CTNNA2: variants seen among roughly 807,000 people sequenced by gnomAD.
CTNNA2 encodes the protein catenin alpha 2.
CTNNA2 carries 42 observed loss-of-function variants against 101.0 expected under a neutral mutation model. The ratio of observed to expected loss-of-function variants is 0.42; its 90% CI spans 0.32 to 0.54. The LOEUF is 0.54. CTNNA2 is among the 20% of genes least tolerant of loss of function. The pLI, the probability that CTNNA2 is intolerant of heterozygous loss-of-function variation, is 0.14. For synonymous variants in CTNNA2, 450 were observed against 456.4 expected (o/e 0.99, Z 0.18); for missense variants, 871 against 1,223.1 (o/e 0.71, Z 4.29).
chr2:80,105,914 T>C (rs1388738992), intron 7 of CTNNA2, among the ~76,000 whole-genome samples: 1 of 152,138 alleles, frequency 6.6e-6, no homozygotes, highest in African/African-American at 2.4e-5. Flanking sequence ...TCTGGGACAT[T>C]AGAGTCACAC....
intron 7 of CTNNA2, among the ~76,000 whole-genome samples, chr2:80,196,273 G>C (rs1706827570): frequency 6.6e-6 from 1 of 152,118 alleles, no homozygotes; most frequent in Non-Finnish European, 1.5e-5. Flanking sequence ...TGTTAGTTCA[G>C]CTCTTCCTAG....
At chr2:80,112,675 T>C (rs1701293523) in intron 7 of CTNNA2, among the ~76,000 whole-genome samples, 1 of 152,204 alleles carries the variant, frequency 6.6e-6, no homozygotes, top group African/African-American at 2.4e-5. Context: ...AGTTGTTATA[T>C]TTGTTTAAGT....
At chr2:80,012,577 T>A (rs1693866205) in intron 7 of CTNNA2, among the ~76,000 whole-genome samples, 1 of 152,188 alleles carries the variant, frequency 6.6e-6, no homozygotes, top group African/African-American at 2.4e-5. Context: ...TACTCAACTC[T>A]CCTGTCATGG....
upstream of CTNNA2, among the ~76,000 whole-genome samples, chr2:79,512,189 C>T (rs1671563552): frequency 1.3e-5 from 2 of 152,106 alleles, no homozygotes; most frequent in Admixed American, 6.5e-5. Context: ...TGTAAGTTCC[C>T]CAACTACAGT....
chr2:79,534,036 G>A (rs193294124), intron 1 of CTNNA2, among the ~76,000 whole-genome samples: 11 of 152,100 alleles, frequency 7.2e-5, no homozygotes, highest in Admixed American at 7.2e-4. Context: ...TATAACTAAG[G>A]ACATTTTTCT....
intron 3 of CTNNA2, chr2:79,340,227 C>T (rs1677096400): frequency 2.0e-5 from 3 of 152,028 alleles, no homozygotes; most frequent in African/African-American, 7.2e-5. Flanking sequence ...GTGTGTGTAT[C>T]TCTGTGTGCA....
chr2:79,752,557 A>G (rs565597150), intron 3 of CTNNA2, among the ~76,000 whole-genome samples: 2 of 152,344 alleles, frequency 1.3e-5, no homozygotes, highest in Middle Eastern at 3.4e-3. Context: ...AGGAATGCTA[A>G]CTAGACTCTC....
chr2:80,210,812 A>G (rs1190295946), intron 7 of CTNNA2, among the ~76,000 whole-genome samples: 1 of 152,176 alleles, frequency 6.6e-6, no homozygotes, highest in Non-Finnish European at 1.5e-5. Flanking sequence ...CAATGATTGA[A>G]CTAGTTTACA....
At chr2:79,630,711 A>T (rs931558724) in intron 1 of CTNNA2, among the ~76,000 whole-genome samples, 2 of 152,162 alleles carry the variant, frequency 1.3e-5, no homozygotes, top group Non-Finnish European at 2.9e-5. Context: ...ACGTGGTGTC[A>T]TTTATGTATC....
chr2:79,919,682 T>G (rs1686518990), intron 7 of CTNNA2, among the ~76,000 whole-genome samples: 1 of 152,206 alleles, frequency 6.6e-6, no homozygotes, highest in Non-Finnish European at 1.5e-5. Flanking sequence ...ATGATGAACC[T>G]GGGAAAACCT....
At chr2:79,264,367 G>A (rs915908467) in intron 2 of CTNNA2, among the ~76,000 whole-genome samples, 2 of 152,052 alleles carry the variant, frequency 1.3e-5, no homozygotes, top group African/African-American at 2.4e-5. Context: ...ATTATATTTA[G>A]CTTAGCAAAC....
chr2:79,501,095 C>A (rs991929039), intron 4 of CTNNA2, among the ~76,000 whole-genome samples: 9 of 152,024 alleles, frequency 5.9e-5, no homozygotes, highest in Non-Finnish European at 1.2e-4. Context: ...AGGTACTCTC[C>A]TTTGTTTTTG....
intron 7 of CTNNA2, among the ~76,000 whole-genome samples, chr2:80,286,944 C>T (rs1460951953): frequency 6.6e-6 from 1 of 152,130 alleles, no homozygotes; most frequent in Non-Finnish European, 1.5e-5. Flanking sequence ...TGAACTGATA[C>T]AAATTAGTTG....
intron 2 of CTNNA2, among the ~76,000 whole-genome samples, chr2:79,204,650 A>T (rs990731336): frequency 1.3e-5 from 2 of 152,192 alleles, no homozygotes; most frequent in Admixed American, 6.5e-5. Flanking sequence ...ATTTATTTTT[A>T]AAAAATAGAA....
In CTNNA2 at chr2:79,774,866, A is replaced by G. The variant is rs149095786; in HGVS notation, c.298+30284A>G. Among the ~76,000 whole-genome samples the G allele has an allele frequency of 5.9e-4, 90 of 152,342 alleles. No individual in the cohort carries two copies. The East Asian group carries it at 0.016, about 27-fold the overall frequency. ...ATAGATTCCTAAGCCTTAGTGGCAT[A>G]GAGAAACCTTTCTTCTGACCTTCAG... On this transcript the variant is annotated intron_variant, in intron 3 of 18. Transcript: ENST00000402739.
intron 7 of CTNNA2, among the ~76,000 whole-genome samples, chr2:80,351,038 C>T (rs927696678): frequency 2.0e-5 from 3 of 152,136 alleles, no homozygotes; most frequent in East Asian, 3.9e-4. Flanking sequence ...TATTCTTTCT[C>T]GTGATGAGCT....
chr2:79,258,895 A>G (rs1158064388), intron 2 of CTNNA2, among the ~76,000 whole-genome samples: 1 of 150,670 alleles, frequency 6.6e-6, no homozygotes, highest in Non-Finnish European at 1.5e-5. Flanking sequence ...GATTGTACCG[A>G]ATATGGAGCA....
intron 2 of CTNNA2, among the ~76,000 whole-genome samples, chr2:79,244,591 A>G (rs1031696279): frequency 2.0e-5 from 3 of 152,188 alleles, no homozygotes; most frequent in African/African-American, 2.4e-5. Context: ...AAAGACAGGC[A>G]TGGGCATTCA....
intron 4 of CTNNA2, among the ~76,000 whole-genome samples, chr2:79,398,171 A>C (rs1180710513): frequency 6.6e-6 from 1 of 152,142 alleles, no homozygotes; most frequent in East Asian, 1.9e-4. Context: ...CTGTACTGCA[A>C]TTGCTAAAAT....
Sources: allele counts gnomAD v4.1 joint callset (sites outside exome capture counted in the v4.1 genomes callset), GRCh38; gene constraint gnomAD v4.1.1; transcripts MANE v1.5; gene names NCBI Gene and HGNC (gene_info 2026-07-23, HGNC 2026-07-21).